Variants in ARSJ observed in about 807,000 individuals in gnomAD.
The protein encoded by ARSJ is arylsulfatase family member J, also known as arylsulfatase J.
In ARSJ, 26 loss-of-function variants were observed where a neutral mutation model predicts 35.9. The observed-to-expected ratio is 0.72, with a 90% CI of 0.53 to 1.00. ARSJ has a LOEUF of 1.00. Ranked by LOEUF, ARSJ falls within the 50% of genes least tolerant of loss-of-function variation. The pLI is 0.00. For missense variants in ARSJ, 667 were observed against 723.6 expected, an observed-to-expected ratio of 0.92 and a Z score of 0.90; for synonymous variants, 294 against 267.6, an observed-to-expected ratio of 1.10 and a Z score of -0.96.
intron 1 of ARSJ, among the ~76,000 whole-genome samples, chr4:113,973,986 T>C (rs1264022798): frequency 6.6e-6 from 1 of 152,032 alleles, no homozygotes; most frequent in Non-Finnish European, 1.5e-5. Flanking sequence ...CAGAAACAGA[T>C]CAAACATGTG....
intron 1 of ARSJ, among the ~76,000 whole-genome samples, chr4:113,932,173 A>G (rs1724495487): frequency 6.6e-6 from 1 of 152,060 alleles, no homozygotes; most frequent in Non-Finnish European, 1.5e-5. Context: ...TACAACAACT[A>G]TAAATATCTA....
chr4:113,907,571 G>C (rs184748945), intron 1 of ARSJ, among the ~76,000 whole-genome samples: 2 of 152,074 alleles, frequency 1.3e-5, no homozygotes, highest in East Asian at 3.9e-4. Flanking sequence ...CCACAAGTCT[G>C]TGGGGCAGGT....
rs532669672 is a variant in ARSJ, at chr4:113,978,805, C to A, written c.30G>T (p.Pro10=). 6.2e-7 allele frequency: 1 copy of A among 1,611,664 alleles called. No individual in the cohort carries two copies. The highest frequency in any genetic ancestry group is 1.3e-5 in the African/African-American group (1 of 74,882). MAPRGCAGH[P]PPPSPQACVC... is the part of the protein sequence containing the mutation. ...CACAGGCCTGTGGAGAAGGCGGAGG[C>A]GGATGCCCCGCACAGCCCCTGGGAG... The change falls in exon 1 of 2, where the codon CCG becomes CCT. Residue 10 remains proline (P), a synonymous_variant. Coordinates refer to ENST00000315366, the MANE Select transcript of ARSJ (RefSeq NM_024590.4).
At chr4:113,953,003 T>A (rs1184048002) in intron 1 of ARSJ, among the ~76,000 whole-genome samples, 2 of 152,110 alleles carry the variant, frequency 1.3e-5, no homozygotes, top group Non-Finnish European at 2.9e-5. Flanking sequence ...GACTGTCTAC[T>A]ATATATCTAG....
At chr4:113,917,373 T>G (rs1723376611) in intron 1 of ARSJ, among the ~76,000 whole-genome samples, 1 of 152,160 alleles carries the variant, frequency 6.6e-6, no homozygotes, top group African/African-American at 2.4e-5. Flanking sequence ...AAATGTTGTT[T>G]TAGCTGTCTC....
chr4:113,964,168 A>C (rs1224611645), intron 1 of ARSJ, among the ~76,000 whole-genome samples: 1 of 152,082 alleles, frequency 6.6e-6, no homozygotes, highest in African/African-American at 2.4e-5. Flanking sequence ...TATCTAGCTA[A>C]GATGGCCATA....
At chr4:113,943,557 A>T (rs556891724) in intron 1 of ARSJ, 2 of 152,124 alleles carry the variant, frequency 1.3e-5, no homozygotes, top group African/African-American at 4.8e-5. Flanking sequence ...GAGCCAGATG[A>T]TAAAAAAATT....
intron 1 of ARSJ, among the ~76,000 whole-genome samples, chr4:113,932,527 A>G (rs1299462799): frequency 6.6e-6 from 1 of 152,036 alleles, no homozygotes; most frequent in Non-Finnish European, 1.5e-5. Context: ...CCAATATGGA[A>G]CAAAACTAGA....
intron 1 of ARSJ, among the ~76,000 whole-genome samples, chr4:113,961,172 C>G (rs1021004638): frequency 6.6e-6 from 1 of 151,976 alleles, no homozygotes; most frequent in Non-Finnish European, 1.5e-5. Flanking sequence ...GAGGAGGCAT[C>G]CAGCACGTTG....
At chr4:113,963,128 C>T (rs1726664366) in intron 1 of ARSJ, among the ~76,000 whole-genome samples, 1 of 152,006 alleles carries the variant, frequency 6.6e-6, no homozygotes, top group African/African-American at 2.4e-5. Context: ...CCTGCCTTAT[C>T]TTCTTTCTTA....
chr4:113,955,175 C>G (rs536828752), intron 1 of ARSJ, among the ~76,000 whole-genome samples: 2 of 151,916 alleles, frequency 1.3e-5, no homozygotes, highest in Non-Finnish European at 2.9e-5. Context: ...GAGACACTGT[C>G]AGGAGTAAAC....
chr4:113,977,694 C>T (rs1447898357), intron 1 of ARSJ, among the ~76,000 whole-genome samples: 1 of 152,166 alleles, frequency 6.6e-6, no homozygotes, highest in Non-Finnish European at 1.5e-5. Context: ...GAAGATTTAG[C>T]TACTTAGCAA....
In ARSJ at chr4:113,924,066, AATATATATAAATATATATATAT is replaced by A. The variant is rs1195104616; in HGVS notation, c.399-20413_399-20392del. 2.7e-4 allele frequency among the ~76,000 whole-genome samples: 29 copies of A among 107,434 alleles called. No homozygotes were observed. The East Asian group carries it at 3.0e-3, about 11-fold the overall frequency. The allele number at this position is 107,434 out of a possible 152,430, so 70.5% of individuals were successfully genotyped here. On this transcript the variant is annotated intron_variant, in intron 1 of 1. Coordinates refer to ENST00000315366, the MANE Select transcript of ARSJ (RefSeq NM_024590.4). ...ATATAAATATATATAAATATATATA[AATATATATAAATATATATATAT>A]ATATATATATATATATATATATATA...
intron 1 of ARSJ, among the ~76,000 whole-genome samples, chr4:113,918,143 C>A (rs1723435603): frequency 6.6e-6 from 1 of 152,126 alleles, no homozygotes; most frequent in Non-Finnish European, 1.5e-5. Context: ...AAGAATATCA[C>A]AATTATCAGA....
intron 1 of ARSJ, among the ~76,000 whole-genome samples, chr4:113,916,390 C>A (rs1723300172): frequency 6.6e-6 from 1 of 152,090 alleles, no homozygotes; most frequent in African/African-American, 2.4e-5. Context: ...GATAGCAGCA[C>A]ACCAATGCCA....
At chr4:113,906,443 T>C (rs1376441329) in intron 1 of ARSJ, among the ~76,000 whole-genome samples, 1 of 152,214 alleles carries the variant, frequency 6.6e-6, no homozygotes, top group Admixed American at 6.5e-5. Context: ...TCAGAGCTAC[T>C]AATCAACTAT....
rs1283816624 is a variant in ARSJ, at chr4:113,902,488, G to T, written c.1586C>A (p.Thr529Asn). ...GGGGGGATACCTGACCGGCACTGCA[G>T]TTTTGTTGAACTGTGAGAGCCTCCG... is the stretch of plus-strand genomic sequence containing the variant. ...LLRRLSQFNK[T>N]AVPVRYPPKD... The change falls in exon 2 of 2, where the codon ACT becomes AAT. Residue 529 changes from threonine to asparagine, a missense_variant. Physicochemically the swap from Thr to Asn is moderately conservative, Grantham distance 65. Coordinates refer to ENST00000315366, the MANE Select transcript of ARSJ (RefSeq NM_024590.4). 1.2e-6 allele frequency: 2 copies of T among 1,614,174 alleles called. No individual in the cohort carries two copies. The highest frequency in any genetic ancestry group is 2.2e-5 in the South Asian group (2 of 91,084).
At chr4:113,920,401 G>A (rs1042173258) in intron 1 of ARSJ, among the ~76,000 whole-genome samples, 1 of 152,132 alleles carries the variant, frequency 6.6e-6, no homozygotes, top group South Asian at 2.1e-4. Context: ...TAATATGTTT[G>A]CAGAAACAAG....
chr4:113,939,298 T>A (rs915537250), intron 1 of ARSJ, among the ~76,000 whole-genome samples: 1 of 146,508 alleles, frequency 6.8e-6, no homozygotes, highest in Non-Finnish European at 1.5e-5. Flanking sequence ...ATTTTCTTAA[T>A]CCAGTCTATC....
Sources: gnomAD v4.1 joint callset for allele counts (sites outside exome capture counted in the v4.1 genomes callset) on GRCh38, gnomAD v4.1.1 for gene constraint, MANE v1.5 for transcripts, NCBI Gene and HGNC (gene_info 2026-07-23, HGNC 2026-07-21) for gene names.